The following FGF14 variants were observed in gnomAD, a reference collection of about 807,000 sequenced individuals.
FGF14 encodes fibroblast growth factor 14, also known as fibroblast growth factor homologous factor 4.
In FGF14, 5 loss-of-function variants were observed where a neutral mutation model predicts 25.5. That is an observed-to-expected ratio of 0.20 (90% confidence interval 0.10 to 0.41). FGF14 has a LOEUF of 0.41. FGF14 is among the 10% of genes least tolerant of loss of function. The pLI, the probability that FGF14 is intolerant of heterozygous loss-of-function variation, is 1.00. For missense variants in FGF14, 222 were observed against 320.1 expected (o/e 0.69, Z 2.34); for synonymous variants, 138 against 118.3 (o/e 1.17, Z -1.08).
intron 1 of FGF14, among the ~76,000 whole-genome samples, chr13:102,285,762 G>A (rs909186606): frequency 2.0e-5 from 3 of 152,158 alleles, no homozygotes; most frequent in African/African-American, 7.2e-5. Flanking sequence ...TTACAATAGG[G>A]TAGGTATTAT....
chr13:101,803,882 G>T (rs1480767328), intron 3 of FGF14, among the ~76,000 whole-genome samples: 1 of 152,170 alleles, frequency 6.6e-6, no homozygotes, highest in Non-Finnish European at 1.5e-5. Context: ...TGAGTAGGCA[G>T]TTGAATTAAT....
intron 1 of FGF14, among the ~76,000 whole-genome samples, chr13:102,022,311 G>C (rs2040701464): frequency 6.6e-6 from 1 of 152,046 alleles, no homozygotes. Context: ...GAAAATGAGA[G>C]GAGAGGGAAC....
intron 1 of FGF14, among the ~76,000 whole-genome samples, chr13:102,066,916 G>A (rs919661266): frequency 2.0e-5 from 3 of 152,076 alleles, no homozygotes; most frequent in Non-Finnish European, 2.9e-5. Flanking sequence ...AAATGTGCCT[G>A]CTCAAAAGCT....
intron 1 of FGF14, among the ~76,000 whole-genome samples, chr13:101,912,784 T>A (rs2033080559): frequency 6.6e-6 from 1 of 152,168 alleles, no homozygotes; most frequent in Admixed American, 6.5e-5. Flanking sequence ...TATTTTTATG[T>A]CTAAAATTAT....
At chr13:101,781,868 T>C (rs139909510) in intron 3 of FGF14, among the ~76,000 whole-genome samples, 2 of 152,374 alleles carry the variant, frequency 1.3e-5, no homozygotes, top group East Asian at 3.9e-4. Flanking sequence ...ATTAAATGAA[T>C]GTTTATATAA....
chr13:101,836,800 G>C (rs958709485), intron 3 of FGF14, among the ~76,000 whole-genome samples: 5 of 151,968 alleles, frequency 3.3e-5, no homozygotes, highest in African/African-American at 1.2e-4. Context: ...ATTTTTGAGA[G>C]CTGGCAGAAG....
At chr13:102,133,109 A>C (rs1053145082) in intron 1 of FGF14, among the ~76,000 whole-genome samples, 1 of 152,178 alleles carries the variant, frequency 6.6e-6, no homozygotes, top group Non-Finnish European at 1.5e-5. Flanking sequence ...CAACACATTT[A>C]TTTTCATCAG....
intron 1 of FGF14, among the ~76,000 whole-genome samples, chr13:102,136,699 C>T (rs1452082423): frequency 6.7e-6 from 1 of 150,108 alleles, no homozygotes; most frequent in Non-Finnish European, 1.5e-5. Context: ...TAAAGTTAGT[C>T]CATAGGTTTG....
Position 101,719,200 on chromosome 13 carries a change from G to A in FGF14, c.*3631C>T. The A allele has an allele frequency of 6.6e-6, 1 of 152,072 alleles. No homozygotes were observed. Among genetic ancestry groups the A allele is most frequent in the East Asian group, 1.9e-4 (1 of 5,160 alleles). The allele number at this position is 152,072 out of a possible 1,614,324, so 9.4% of individuals were successfully genotyped here. On this transcript the variant is annotated 3_prime_UTR_variant, in exon 5 of 5. Coordinates refer to ENST00000376143, the MANE Select transcript of FGF14 (RefSeq NM_004115.4). ...TAACTTACTTAAAGAATAAGTTTTT[G>A]GTTTTTGCTTTTAAAGACAACCAAA...
intron 1 of FGF14, among the ~76,000 whole-genome samples, chr13:102,092,454 C>T (rs945447762): frequency 6.6e-6 from 1 of 152,138 alleles, no homozygotes; most frequent in Non-Finnish European, 1.5e-5. Context: ...GCAGAAGAGG[C>T]CATTTCCTTT....
intron 1 of FGF14, among the ~76,000 whole-genome samples, chr13:102,240,494 G>A (rs2051541886): frequency 6.6e-6 from 1 of 151,992 alleles, no homozygotes; most frequent in African/African-American, 2.4e-5. Context: ...CAAAATAATA[G>A]ACCAATTTTC....
intron 1 of FGF14, among the ~76,000 whole-genome samples, chr13:102,230,929 C>T (rs920406638): frequency 6.6e-6 from 1 of 152,114 alleles, no homozygotes; most frequent in Non-Finnish European, 1.5e-5. Context: ...TCTCTATTCA[C>T]CTGGTAAAGA....
chr13:102,291,551 AATAG>A (rs2054398326), intron 1 of FGF14, among the ~76,000 whole-genome samples: 2 of 152,194 alleles, frequency 1.3e-5, no homozygotes, highest in South Asian at 2.1e-4. Context: ...TGTAAATTAA[AATAG>A]ATAGATCAAT....
intron 3 of FGF14, among the ~76,000 whole-genome samples, chr13:101,850,279 CA>C (rs869138439): frequency 0.73 from 20,379 of 27,836 alleles, 7,627 homozygotes; most frequent in South Asian, 0.84. Context: ...ACTAAAAATC[CA>C]AAAAAAAAAA....
At chr13:101,819,674 G>T (rs1594365327) in intron 3 of FGF14, among the ~76,000 whole-genome samples, 1 of 152,190 alleles carries the variant, frequency 6.6e-6, no homozygotes, top group South Asian at 2.1e-4. Context: ...CAGACAAGAA[G>T]GTATCTCCTA....
chr13:101,873,849 TA>T (rs2045248544), intron 2 of FGF14, among the ~76,000 whole-genome samples: 2 of 151,770 alleles, frequency 1.3e-5, no homozygotes, highest in Admixed American at 6.6e-5. Flanking sequence ...TCTTTTCCTA[TA>T]TCAAAAAGGA....
chr13:101,979,801 G>A (rs1281231634), intron 1 of FGF14, among the ~76,000 whole-genome samples: 2 of 152,120 alleles, frequency 1.3e-5, no homozygotes, highest in African/African-American at 4.8e-5. Flanking sequence ...CTGATTATAC[G>A]AGGAAAAGAA....
chr13:102,181,246 C>T (rs999997858), intron 1 of FGF14, among the ~76,000 whole-genome samples: 5 of 152,188 alleles, frequency 3.3e-5, no homozygotes, highest in Middle Eastern at 3.4e-3. Flanking sequence ...TAACGATCTC[C>T]GAAGACGTCC....
At chr13:102,093,656 C>T (rs2044265099) in intron 1 of FGF14, among the ~76,000 whole-genome samples, 1 of 152,054 alleles carries the variant, frequency 6.6e-6, no homozygotes, top group South Asian at 2.1e-4. Context: ...GAGACCCATA[C>T]AAACTGCCAC....
Sources: allele counts gnomAD v4.1 joint callset (sites outside exome capture counted in the v4.1 genomes callset), GRCh38; gene constraint gnomAD v4.1.1; transcripts MANE v1.5; gene names NCBI Gene and HGNC (gene_info 2026-07-23, HGNC 2026-07-21).